The following DLGAP2 variants were observed in gnomAD, a reference collection of about 807,000 sequenced individuals.
The protein encoded by DLGAP2 is disks large-associated protein 2.
In DLGAP2, 26 loss-of-function variants were observed where a neutral mutation model predicts 100.3. That is an observed-to-expected ratio of 0.26 (90% CI 0.19 to 0.36). DLGAP2 has a LOEUF of 0.36. Ranked by LOEUF, DLGAP2 falls within the 10% of genes least tolerant of loss-of-function variation. The probability of loss-of-function intolerance (pLI) is 1.00; values close to 1 mark genes in which losing one functional copy is unlikely to be tolerated. For missense variants in DLGAP2, 1,858 were observed against 1,453.2 expected, an observed-to-expected ratio of 1.28 and a Z score of -4.53; for synonymous variants, 886 against 630.1, an observed-to-expected ratio of 1.41 and a Z score of -6.08.
chr8:1,233,807 C>T (rs1023994370), intron 2 of DLGAP2, among the ~76,000 whole-genome samples: 2 of 152,118 alleles, frequency 1.3e-5, no homozygotes, highest in Non-Finnish European at 2.9e-5. Context: ...TAAAATGTAC[C>T]TAAATATAGA....
intron 2 of DLGAP2, among the ~76,000 whole-genome samples, chr8:1,244,225 A>G (rs77867774): frequency 0.019 from 2,880 of 152,308 alleles, 46 homozygotes; most frequent in Non-Finnish European, 0.027. Context: ...CTGTGTCCTT[A>G]GACAGCTTCA....
intron 2 of DLGAP2, among the ~76,000 whole-genome samples, chr8:973,654 A>G (rs903607971): frequency 2.0e-4 from 31 of 152,202 alleles, no homozygotes; most frequent in Non-Finnish European, 1.2e-4. Flanking sequence ...ACGCCACTGC[A>G]CTCCAGCCTC....
chr8:916,600 T>C (rs1192489313), intron 2 of DLGAP2, among the ~76,000 whole-genome samples: 1 of 152,154 alleles, frequency 6.6e-6, no homozygotes, highest in Non-Finnish European at 1.5e-5. Flanking sequence ...GGCACATGTA[T>C]ACATATGTAA....
chr8:1,591,208 C>T (rs1444216547), intron 6 of DLGAP2, among the ~76,000 whole-genome samples: 2 of 152,150 alleles, frequency 1.3e-5, no homozygotes, highest in African/African-American at 4.8e-5. Context: ...TTCTGTTCTT[C>T]CCTTCCCTCT....
intron 3 of DLGAP2, among the ~76,000 whole-genome samples, chr8:1,454,825 G>C (rs556242851): frequency 6.6e-6 from 1 of 152,130 alleles, no homozygotes; most frequent in Non-Finnish European, 1.5e-5. Flanking sequence ...TCAGACCTTC[G>C]ATACCCCATC....
At chr8:1,039,481 C>T (rs150246345) in intron 2 of DLGAP2, among the ~76,000 whole-genome samples, 3,620 of 137,542 alleles carry the variant, frequency 0.026, 157 homozygotes, top group African/African-American at 0.1. Context: ...GCTCGGTTTC[C>T]GTGGTCGGCT....
chr8:1,656,842 A>T (rs1298140833), intron 8 of DLGAP2, among the ~76,000 whole-genome samples: 1 of 152,234 alleles, frequency 6.6e-6, no homozygotes, highest in Non-Finnish European at 1.5e-5. Flanking sequence ...AAAGCATGTT[A>T]CACAGTTCCT....
chr8:906,350 A>G (rs564478043), intron 1 of DLGAP2, among the ~76,000 whole-genome samples: 17 of 152,346 alleles, frequency 1.1e-4, no homozygotes, highest in African/African-American at 3.8e-4. Context: ...GTGTGGAGGC[A>G]GTAGCCTTTT....
intron 3 of DLGAP2, among the ~76,000 whole-genome samples, chr8:1,324,610 A>G (rs142457499): frequency 5.3e-5 from 8 of 152,334 alleles, no homozygotes; most frequent in East Asian, 3.9e-4. Context: ...GTGGTTTGCA[A>G]TGTAAGGACA....
At chr8:928,166 G>T (rs1165201795) in intron 2 of DLGAP2, among the ~76,000 whole-genome samples, 1 of 152,180 alleles carries the variant, frequency 6.6e-6, no homozygotes, top group Non-Finnish European at 1.5e-5. Context: ...AGACACGGAT[G>T]TACTGAGGCT....
At chr8:1,287,906 GTT>G (rs1799976793) in intron 3 of DLGAP2, among the ~76,000 whole-genome samples, 5 of 122,200 alleles carry the variant, frequency 4.1e-5, no homozygotes, top group Admixed American at 8.4e-5. Flanking sequence ...TGTGTGTGTG[GTT>G]TTGTTAGGAG....
At chr8:1,219,654 C>T (rs538777701) in intron 2 of DLGAP2, among the ~76,000 whole-genome samples, 1 of 152,200 alleles carries the variant, frequency 6.6e-6, no homozygotes, top group African/African-American at 2.4e-5. Context: ...AGAAGTCCCT[C>T]CTCCTTGATT....
rs139559732 is a variant in DLGAP2, at chr8:1,516,127, A to C, written c.172+14696A>C. ...TGAGTGAATGAGTGACTGAGTGAGG[A>C]AAGGAAAGAGGGAGGGAATGAGTGA... On this transcript the variant is annotated intron_variant, in intron 4 of 14. Transcript: ENST00000637795. Among the ~76,000 whole-genome samples, 203 of 144,802 alleles carry C rather than the reference A, an allele frequency of 1.4e-3. No individual in the cohort carries two copies. The Middle Eastern group carries it at 0.027, about 19-fold the overall frequency. The allele number at this position is 144,802 out of a possible 152,430, so 95.0% of individuals were successfully genotyped here. A position where few individuals can be genotyped will look rare whatever the true frequency, so the allele number is the denominator to read the frequency against.
intron 2 of DLGAP2, among the ~76,000 whole-genome samples, chr8:1,118,980 T>G (rs1268002709): frequency 2.0e-5 from 3 of 152,246 alleles, no homozygotes; most frequent in African/African-American, 7.2e-5. Flanking sequence ...ATCATTTTAT[T>G]TAAGCATAAC....
intron 2 of DLGAP2, among the ~76,000 whole-genome samples, chr8:1,162,231 G>A (rs1204895647): frequency 4.6e-5 from 7 of 152,322 alleles, no homozygotes; most frequent in East Asian, 1.9e-4. Context: ...GGAGAGTGTC[G>A]TTATTCATTT....
intron 2 of DLGAP2, among the ~76,000 whole-genome samples, chr8:1,161,475 A>G (rs1796888328): frequency 6.6e-6 from 1 of 152,214 alleles, no homozygotes; most frequent in Non-Finnish European, 1.5e-5. Context: ...AACTGGCCTA[A>G]GAGTGAGGGA....
At chr8:853,482 G>T (rs1342741929) in intron 1 of DLGAP2, among the ~76,000 whole-genome samples, 3 of 152,218 alleles carry the variant, frequency 2.0e-5, no homozygotes, top group African/African-American at 7.2e-5. Flanking sequence ...CTTAGGTACA[G>T]GATGCCCCTC....
intron 3 of DLGAP2, among the ~76,000 whole-genome samples, chr8:1,425,994 A>T (rs946527988): frequency 3.9e-5 from 6 of 152,252 alleles, no homozygotes; most frequent in African/African-American, 1.2e-4. Context: ...AGAACATGCT[A>T]CACCTGCAAG....
intron 3 of DLGAP2, among the ~76,000 whole-genome samples, chr8:1,329,761 G>A (rs1801106375): frequency 1.3e-5 from 2 of 152,214 alleles, no homozygotes; most frequent in Admixed American, 6.5e-5. Flanking sequence ...AGCCCCGGCT[G>A]TACCTGCCTG....
Sources: allele counts gnomAD v4.1 joint callset (sites outside exome capture counted in the v4.1 genomes callset), GRCh38; gene constraint gnomAD v4.1.1; transcripts MANE v1.5; gene names NCBI Gene and HGNC (gene_info 2026-07-23, HGNC 2026-07-21).